LRRK2: variants seen among roughly 807,000 people sequenced by gnomAD.
LRRK2 encodes the protein leucine-rich repeat serine/threonine-protein kinase 2.
Under a neutral mutation model 302.6 loss-of-function variants are expected in LRRK2, and 203 were observed. That is an observed-to-expected ratio of 0.67 (90% CI 0.60 to 0.75). The LOEUF is 0.75. Ranked by LOEUF, LRRK2 falls within the 30% of genes least tolerant of loss-of-function variation. The pLI is 0.00. For synonymous variants in LRRK2, 1,066 were observed against 1,031.9 expected (o/e 1.03, Z -0.63); for missense variants, 2,830 against 2,951.0 (o/e 0.96, Z 0.95).
intron 47 of LRRK2, among the ~76,000 whole-genome samples, chr12:40,359,773 T>C (rs1006068993): frequency 2.0e-5 from 3 of 152,120 alleles, no homozygotes; most frequent in Non-Finnish European, 4.4e-5. Flanking sequence ...ACAATCAACT[T>C]TGTATTTCAC....
intron 40 of LRRK2, 152 bp downstream of exon 40, chr12:40,335,309 G>T: frequency 1.1e-6 from 1 of 924,898 alleles, no homozygotes; most frequent in Non-Finnish European, 1.7e-6. Flanking sequence ...ATCAAATTTT[G>T]TAATTTCAGA....
At chr12:40,270,105 TGAAA>T in intron 14 of LRRK2, among the ~76,000 whole-genome samples, 1 of 152,280 alleles carries the variant, frequency 6.6e-6, no homozygotes, top group Non-Finnish European at 1.5e-5. Flanking sequence ...AGATAATTCA[TGAAA>T]AAGTGTCAGT....
intron 18 of LRRK2, 45 bp downstream of exon 18, chr12:40,278,306 T>C (rs766189679): frequency 1.9e-6 from 3 of 1,605,958 alleles, no homozygotes; most frequent in African/African-American, 2.7e-5. Context: ...AGTATTCTTA[T>C]AGAATGTAAG....
chr12:40,302,775 T>A lies in LRRK2; in HGVS notation c.3497-14T>A, dbSNP rs1944678441. On this transcript the variant is annotated splice_polypyrimidine_tract_variant and intron_variant, in intron 25 of 50. Transcript: ENST00000298910. The stretch of plus-strand genomic sequence containing the variant: ...AAAATGATTAAAATGTTTATCTCAT[T>A]TTTTTTCTTTTAGCTGCTATGCCTT... 3.2e-6 allele frequency: 5 copies of A among 1,541,652 alleles called. No homozygotes were observed. The African/African-American group carries it at 5.7e-5, about 18-fold the overall frequency.
rs146450958 is a variant in LRRK2, at chr12:40,283,403, C to T, written c.2242-472C>T. 1.2e-3 allele frequency among the ~76,000 whole-genome samples: 183 copies of T among 152,308 alleles called. 1 individual carries two copies. Among genetic ancestry groups the T allele is most frequent in the Non-Finnish European group, 1.7e-3 (119 of 68,024 alleles). ...AAAGCTAGACACGAGTAATGACTGT[C>T]GTTTGTGTGTGGCATTAATAAATTT... On this transcript the variant is annotated intron_variant, in intron 18 of 50. Coordinates refer to ENST00000298910, the MANE Select transcript of LRRK2 (RefSeq NM_198578.4).
chr12:40,229,983 T>TTA (rs1555172439), intron 2 of LRRK2, among the ~76,000 whole-genome samples: 8 of 135,252 alleles, frequency 5.9e-5, no homozygotes, highest in Middle Eastern at 4.0e-3. Flanking sequence ...TTTTTTTTTT[T>TTA]ACCACCAGAA....
At chr12:40,246,286 A>G (rs973333289) in intron 7 of LRRK2, among the ~76,000 whole-genome samples, 1 of 151,888 alleles carries the variant, frequency 6.6e-6, no homozygotes, top group Admixed American at 6.6e-5. Flanking sequence ...TGTTAATATG[A>G]AGAAATACAT....
chr12:40,365,350 T>C (rs1946844391), intron 49 of LRRK2: 1 of 274,606 alleles, frequency 3.6e-6, no homozygotes, highest in Admixed American at 4.9e-5. Context: ...ATTGAATATA[T>C]TTTACTTTTT....
At chr12:40,324,340 A>G (rs1390773560) in intron 38 of LRRK2, among the ~76,000 whole-genome samples, 1 of 152,182 alleles carries the variant, frequency 6.6e-6, no homozygotes, top group Admixed American at 6.5e-5. Flanking sequence ...TTTAACATAT[A>G]CATTATCTCA....
In LRRK2 at chr12:40,225,052, C is replaced by T; in HGVS notation, c.-80C>T. Reference sequence around the variant, plus strand: ...GTGAGCTGAGCTCGCCCCCGGGGAGCTGTGGCCGGCGCCCCTGCCGGTTCC... The same window carrying T: ...GTGAGCTGAGCTCGCCCCCGGGGAGTTGTGGCCGGCGCCCCTGCCGGTTCC... On this transcript the variant is annotated 5_prime_UTR_variant, in exon 1 of 51. Coordinates refer to ENST00000298910, the MANE Select transcript of LRRK2 (RefSeq NM_198578.4). The T allele has an allele frequency of 2.5e-6, 4 of 1,580,558 alleles. No individual in the cohort carries two copies. Among genetic ancestry groups the T allele is most frequent in the Non-Finnish European group, 3.5e-6 (4 of 1,157,728 alleles).
rs1396099588 is a variant in LRRK2 at position 40,332,934 on chromosome 12, G to A, written c.5758-2033G>A. Among the ~76,000 whole-genome samples the A allele has an allele frequency of 2.0e-5, 3 of 147,978 alleles. No individual in the cohort carries two copies. In the Admixed American group the frequency reaches 2.1e-4, roughly 10 times the overall value. ...ATGGTGGAAGAAATTAAAAAAAAAG[G>A]GGTGTGCATAATGTGCTTCTTCTCT... On this transcript the variant is annotated intron_variant, in intron 39 of 50. Coordinates refer to ENST00000298910, the MANE Select transcript of LRRK2 (RefSeq NM_198578.4).
chr12:40,358,735 AT>A (rs35500726), intron 46 of LRRK2, among the ~76,000 whole-genome samples: 129,969 of 151,900 alleles, frequency 0.86, 55,659 homozygotes, highest in Middle Eastern at 0.91. Context: ...AGTTTTAGAA[AT>A]TTTTTTTTCT....
chr12:40,319,183 T>A (rs537123834), intron 33 of LRRK2, among the ~76,000 whole-genome samples: 2 of 152,224 alleles, frequency 1.3e-5, no homozygotes, highest in African/African-American at 4.8e-5. Flanking sequence ...ATGCTAAAAT[T>A]TGTCATATGT....
intron 21 of LRRK2, 142 bp downstream of exon 21, chr12:40,293,805 T>A: frequency 1.7e-6 from 1 of 603,932 alleles, no homozygotes; most frequent in Non-Finnish European, 3.0e-6. Flanking sequence ...TTTTTATATA[T>A]GTAATAGATA....
Position 40,308,561 on chromosome 12 carries a change from C to A in LRRK2, c.4054C>A (p.Gln1352Lys). 6.2e-7 allele frequency: 1 copy of A among 1,613,954 alleles called. No individual in the cohort carries two copies. Residue 1352 changes from glutamine to lysine, a missense_variant, in exon 29 of 51, where the codon CAG becomes AAG. By Grantham distance (53) the Gln-to-Lys change is moderately conservative. Coordinates refer to ENST00000298910, the MANE Select transcript of LRRK2 (RefSeq NM_198578.4). ...TGGGAGTGGTAAAACCACCTTATTG[C>A]AGCAATTAATGAAAACCAAGAAATC... ...NTGSGKTTLL[Q>K]QLMKTKKSDL... is the part of the protein sequence containing the mutation.
At chr12:40,303,823 T>C in intron 26 of LRRK2, 125 bp from the exon 27 acceptor site, 1 of 884,226 alleles carries the variant, frequency 1.1e-6, no homozygotes, top group Non-Finnish European at 1.8e-6. Context: ...TGCATACTCA[T>C]ATGTCAATAA....
chr12:40,259,368 T>C, intron 12 of LRRK2, 112 bp from the exon 13 acceptor site: 1 of 1,331,604 alleles, frequency 7.5e-7, no homozygotes, highest in Non-Finnish European at 1.1e-6. Context: ...TTTCATATAG[T>C]CTTTCCTGAT....
intron 14 of LRRK2, among the ~76,000 whole-genome samples, chr12:40,265,950 T>C (rs541615718): frequency 9.8e-5 from 15 of 152,344 alleles, no homozygotes; most frequent in East Asian, 9.6e-4. Context: ...GCTAGCCATA[T>C]GTAGAAAGCT....
chr12:40,260,999 A>G (rs1479172322), intron 13 of LRRK2, among the ~76,000 whole-genome samples: 2 of 152,168 alleles, frequency 1.3e-5, no homozygotes, highest in African/African-American at 4.8e-5. Context: ...ACTCAATATA[A>G]AAGTTTTTTC....
Sources: allele counts gnomAD v4.1 joint callset (sites outside exome capture counted in the v4.1 genomes callset), GRCh38; gene constraint gnomAD v4.1.1; transcripts MANE v1.5; gene names NCBI Gene and HGNC (gene_info 2026-07-23, HGNC 2026-07-21).